Variants in CMSS1 observed in about 807,000 individuals in gnomAD.
CMSS1 encodes the protein cms1 ribosomal small subunit homolog.
Under a neutral mutation model 43.5 loss-of-function variants are expected in CMSS1, and 33 were observed. The ratio of observed to expected loss-of-function variants is 0.76; its 90% CI spans 0.57 to 1.01. CMSS1 has a LOEUF of 1.01. Ranked by LOEUF, CMSS1 falls within the 50% of genes least tolerant of loss-of-function variation. The pLI, the probability that CMSS1 is intolerant of heterozygous loss-of-function variation, is 0.00. For missense variants in CMSS1, 313 were observed against 326.4 expected, an observed-to-expected ratio of 0.96 and a Z score of 0.32; for synonymous variants, 115 against 117.2, an observed-to-expected ratio of 0.98 and a Z score of 0.12.
Position 99,864,971 on chromosome 3 carries a change from A to G in CMSS1, c.64+46928A>G, listed in dbSNP as rs547815884. Among the ~76,000 whole-genome samples the G allele has an allele frequency of 4.6e-5, 7 of 152,290 alleles. No individual in the cohort carries two copies. In the South Asian group the frequency reaches 1.5e-3, roughly 32 times the overall value. On this transcript the variant is annotated intron_variant, in intron 1 of 9. Coordinates refer to ENST00000421999, the MANE Select transcript of CMSS1 (RefSeq NM_032359.4). Reference sequence around the variant, plus strand: ...TCATTGGTCTATTTTGTTTAATACTATATTTCTGGTAGGGAACAGTACCTG... The same window carrying G: ...TCATTGGTCTATTTTGTTTAATACTGTATTTCTGGTAGGGAACAGTACCTG...
intron 1 of CMSS1, among the ~76,000 whole-genome samples, chr3:100,076,293 A>G (rs2065849547): frequency 6.6e-6 from 1 of 152,126 alleles, no homozygotes; most frequent in African/African-American, 2.4e-5. Context: ...CCCTCTCTAA[A>G]GGCCTCTCAG....
chr3:100,163,378 CTG>C (rs1258017412), intron 4 of CMSS1, among the ~76,000 whole-genome samples: 22 of 152,170 alleles, frequency 1.4e-4, no homozygotes, highest in Admixed American at 1.4e-3. Flanking sequence ...TTCAAGCAAA[CTG>C]TCAAAAGGTA....
intron 1 of CMSS1, among the ~76,000 whole-genome samples, chr3:100,066,868 C>A (rs2065674184): frequency 6.6e-6 from 1 of 152,166 alleles, no homozygotes; most frequent in Admixed American, 6.5e-5. Flanking sequence ...TCCTGGGTCA[C>A]AGTTTAAAGA....
At chr3:99,988,980 AC>A (rs1323836892) in intron 1 of CMSS1, among the ~76,000 whole-genome samples, 2 of 152,184 alleles carry the variant, frequency 1.3e-5, no homozygotes, top group Non-Finnish European at 2.9e-5. Context: ...CTGTGTCTAT[AC>A]CTTTAGAGCA....
intron 1 of CMSS1, among the ~76,000 whole-genome samples, chr3:99,828,540 T>C (rs1469085059): frequency 6.6e-6 from 1 of 151,702 alleles, no homozygotes; most frequent in African/African-American, 2.4e-5. Context: ...AGCCTCGGAC[T>C]TCTGGGCTCA....
intron 1 of CMSS1, among the ~76,000 whole-genome samples, chr3:99,901,245 C>T (rs1017201093): frequency 6.6e-6 from 1 of 152,146 alleles, no homozygotes; most frequent in Non-Finnish European, 1.5e-5. Flanking sequence ...ATAGTACCTT[C>T]CTTTAGAGAT....
intron 1 of CMSS1, among the ~76,000 whole-genome samples, chr3:99,893,561 T>G (rs1053174482): frequency 2.0e-5 from 3 of 152,208 alleles, no homozygotes; most frequent in African/African-American, 7.2e-5. Flanking sequence ...AGACTAGATT[T>G]TGGTTTTTTA....
At chr3:100,166,821 C>T (rs2107529326) in intron 5 of CMSS1, among the ~76,000 whole-genome samples, 1 of 152,298 alleles carries the variant, frequency 6.6e-6, no homozygotes, top group East Asian at 1.9e-4. Context: ...TCAGTGGAGC[C>T]TCAACCTCCT....
intron 1 of CMSS1, among the ~76,000 whole-genome samples, chr3:99,873,795 G>C (rs1705364697): frequency 6.6e-6 from 1 of 152,122 alleles, no homozygotes; most frequent in Non-Finnish European, 1.5e-5. Flanking sequence ...CATACTGGCT[G>C]TTACTATAGT....
chr3:100,089,767 C>G (rs2066071944), intron 1 of CMSS1, among the ~76,000 whole-genome samples: 1 of 152,152 alleles, frequency 6.6e-6, no homozygotes, highest in Admixed American at 6.5e-5. Flanking sequence ...ACACCCGTGG[C>G]TAATTGAGGA....
intron 1 of CMSS1, among the ~76,000 whole-genome samples, chr3:99,893,606 G>A (rs1043031201): frequency 6.6e-6 from 1 of 152,152 alleles, no homozygotes; most frequent in African/African-American, 2.4e-5. Flanking sequence ...TTACTATCAT[G>A]TAGGTATCTA....
At chr3:99,945,468 G>C (rs568321729) in intron 1 of CMSS1, among the ~76,000 whole-genome samples, 1 of 152,162 alleles carries the variant, frequency 6.6e-6, no homozygotes, top group Non-Finnish European at 1.5e-5. Context: ...CCAAGAGTGC[G>C]TGTTGACTAA....
chr3:100,104,941 C>G (rs571453695), intron 1 of CMSS1, among the ~76,000 whole-genome samples: 1 of 152,278 alleles, frequency 6.6e-6, no homozygotes, highest in Non-Finnish European at 1.5e-5. Flanking sequence ...CAGCCAAAAC[C>G]TCACCTATGC....
intron 8 of CMSS1, among the ~76,000 whole-genome samples, chr3:100,175,361 T>A (rs1203953548): frequency 1.3e-5 from 2 of 152,148 alleles, no homozygotes; most frequent in Non-Finnish European, 2.9e-5. Flanking sequence ...AGGTCAGGAA[T>A]TTGAGATCAA....
intron 1 of CMSS1, among the ~76,000 whole-genome samples, chr3:100,018,066 C>A (rs528886882): frequency 6.6e-6 from 1 of 152,142 alleles, no homozygotes; most frequent in Non-Finnish European, 1.5e-5. Context: ...CAGGGGCTCA[C>A]GCCTGTAATC....
At chr3:99,854,501 G>A (rs1019661513) in intron 1 of CMSS1, among the ~76,000 whole-genome samples, 1 of 152,056 alleles carries the variant, frequency 6.6e-6, no homozygotes, top group Admixed American at 6.6e-5. Flanking sequence ...TCCATTAATA[G>A]TTCCAGTTTA....
At chr3:100,110,350 T>C (rs2066469936) in intron 1 of CMSS1, among the ~76,000 whole-genome samples, 1 of 152,100 alleles carries the variant, frequency 6.6e-6, no homozygotes, top group South Asian at 2.1e-4. Context: ...CTGTATTTTT[T>C]TGTTTCAGGG....
chr3:99,951,244 A>G (rs932099152), intron 1 of CMSS1, among the ~76,000 whole-genome samples: 1 of 152,128 alleles, frequency 6.6e-6, no homozygotes, highest in South Asian at 2.1e-4. Flanking sequence ...TCATAACCAC[A>G]TTATACACTC....
At chr3:99,994,093 C>T (rs1709602914) in intron 1 of CMSS1, among the ~76,000 whole-genome samples, 2 of 152,074 alleles carry the variant, frequency 1.3e-5, no homozygotes, top group South Asian at 4.1e-4. Flanking sequence ...TCCATTTGAT[C>T]TTGTGCTTTT....
Sources: allele counts gnomAD v4.1 joint callset (sites outside exome capture counted in the v4.1 genomes callset), GRCh38; gene constraint gnomAD v4.1.1; transcripts MANE v1.5; gene names NCBI Gene and HGNC (gene_info 2026-07-23, HGNC 2026-07-21).